The following PCDHA2 variants were observed in gnomAD, a reference collection of about 807,000 sequenced individuals.
The protein encoded by PCDHA2 is protocadherin alpha 2.
In PCDHA2, 58 loss-of-function variants were observed where a neutral mutation model predicts 66.0. That is an observed-to-expected ratio of 0.88 (90% confidence interval 0.71 to 1.09). PCDHA2 has a LOEUF of 1.09. Ranked by LOEUF, PCDHA2 falls within the 50% of genes least tolerant of loss-of-function variation. The pLI is 0.00. For synonymous variants in PCDHA2, 634 were observed against 554.0 expected, an observed-to-expected ratio of 1.14 and a Z score of -2.03; for missense variants, 1,267 against 1,242.3, an observed-to-expected ratio of 1.02 and a Z score of -0.30.
In PCDHA2 at chr5:140,820,150, A is replaced by T. The variant is rs2150105989; in HGVS notation, c.2388+22798A>T. Among the ~76,000 whole-genome samples the T allele has an allele frequency of 5.3e-5, 8 of 152,088 alleles. No individual in the cohort carries two copies. In the South Asian group the frequency reaches 8.3e-4, roughly 16 times the overall value. On this transcript the variant is annotated intron_variant, in intron 1 of 3. Coordinates refer to ENST00000526136, the MANE Select transcript of PCDHA2 (RefSeq NM_018905.3). ...TGTATTAAAATATTTCAAAATTATC[A>T]GTATGAAAACTATTAGGCAAATAGT...
At chr5:140,989,851 G>C (rs1247481417) in intron 3 of PCDHA2, among the ~76,000 whole-genome samples, 1 of 152,106 alleles carries the variant, frequency 6.6e-6, no homozygotes, top group Non-Finnish European at 1.5e-5. Context: ...TGTGTGGACT[G>C]GAGAGGAATC....
In PCDHA2 at chr5:140,828,733, C is replaced by T. The variant is rs2150158342; in HGVS notation, c.2388+31381C>T. The T allele has an allele frequency of 1.4e-5, 23 of 1,614,096 alleles. No individual in the cohort carries two copies. In the Middle Eastern group the frequency reaches 8.2e-4, roughly 58 times the overall value. On this transcript the variant is annotated intron_variant, in intron 1 of 3. Transcript: ENST00000526136. ...CTGCACACAACTTATTCCTGACAGC[C>T]ACAGATGGGGGCAAACCTGAGCTCA...
At chr5:140,962,126 C>A (rs1429316991) in intron 1 of PCDHA2, among the ~76,000 whole-genome samples, 1 of 152,094 alleles carries the variant, frequency 6.6e-6, no homozygotes. Flanking sequence ...ACCTTGGCCT[C>A]GGCCTCCCAA....
At chr5:140,994,809 C>G (rs1366407347) in intron 3 of PCDHA2, among the ~76,000 whole-genome samples, 1 of 152,016 alleles carries the variant, frequency 6.6e-6, no homozygotes, top group Non-Finnish European at 1.5e-5. Flanking sequence ...AAACAAAATA[C>G]AAAAAACTGA....
intron 1 of PCDHA2, chr5:140,875,905 T>C (rs1554168057): frequency 2.0e-5 from 32 of 1,614,104 alleles, no homozygotes; most frequent in Non-Finnish European, 1.6e-5. Flanking sequence ...TGTTTCTGAA[T>C]CTGCGCCTCT....
rs150637034 is a variant in PCDHA2 at position 140,828,096 on chromosome 5, T to C, written c.2388+30744T>C. On this transcript the variant is annotated intron_variant, in intron 1 of 3. Coordinates refer to ENST00000526136, the MANE Select transcript of PCDHA2 (RefSeq NM_018905.3). ...ATAAAACCAGAGGTATTTGACATGGTGTTTACCCCGGAGGATAGATTGGGA... is the reference window on the plus strand; with the variant it reads ...ATAAAACCAGAGGTATTTGACATGGCGTTTACCCCGGAGGATAGATTGGGA... 3.2e-4 allele frequency: 509 copies of C among 1,604,738 alleles called. 4 individuals carry two copies. In the African/African-American group the frequency reaches 5.9e-3, roughly 19 times the overall value.
intron 1 of PCDHA2, among the ~76,000 whole-genome samples, chr5:140,911,947 G>C (rs559007219): frequency 6.6e-6 from 1 of 152,144 alleles, no homozygotes; most frequent in African/African-American, 2.4e-5. Context: ...TATATATAAA[G>C]GGGAGGTTAC....
At chr5:140,900,206 C>A (rs1286660558) in intron 1 of PCDHA2, among the ~76,000 whole-genome samples, 1 of 152,172 alleles carries the variant, frequency 6.6e-6, no homozygotes, top group Non-Finnish European at 1.5e-5. Flanking sequence ...CCAGTTTCAT[C>A]CAGGTTGTTG....
rs149656802 is a variant in PCDHA2, at chr5:141,008,452, C to T, written c.2537-1175C>T. ...TTTGCCCAGACAGACCATTACCCTTCCTCTCCAGCTCTGACTTCTACTCTT... is the reference window on the plus strand; with the variant it reads ...TTTGCCCAGACAGACCATTACCCTTTCTCTCCAGCTCTGACTTCTACTCTT... On this transcript the variant is annotated intron_variant, in intron 3 of 3. Coordinates refer to ENST00000526136, the MANE Select transcript of PCDHA2 (RefSeq NM_018905.3). Among the ~76,000 whole-genome samples, 286 of 152,284 alleles carry T rather than the reference C, an allele frequency of 1.9e-3. 2 individuals carry two copies. Among genetic ancestry groups the T allele is most frequent in the African/African-American group, 6.5e-3 (272 of 41,548 alleles).
chr5:140,990,518 T>G (rs2097397992), intron 3 of PCDHA2, among the ~76,000 whole-genome samples: 1 of 152,314 alleles, frequency 6.6e-6, no homozygotes, highest in South Asian at 2.1e-4. Context: ...CTCTCTTGTC[T>G]TTTTTGACTG....
At chr5:140,883,774 T>C (rs782252577) in intron 1 of PCDHA2, 10 of 1,612,152 alleles carry the variant, frequency 6.2e-6, no homozygotes, top group South Asian at 5.5e-5. Flanking sequence ...TGGGCGAGCG[T>C]GCGCTGTCGA....
At chr5:140,915,732 G>A (rs1454734995) in intron 1 of PCDHA2, among the ~76,000 whole-genome samples, 2 of 151,870 alleles carry the variant, frequency 1.3e-5, no homozygotes, top group East Asian at 3.9e-4. Flanking sequence ...ATTGTGCTGG[G>A]TCAGACCTAT....
At chr5:140,996,302 CAA>C (rs2097720989) in intron 3 of PCDHA2, among the ~76,000 whole-genome samples, 1 of 152,274 alleles carries the variant, frequency 6.6e-6, no homozygotes, top group Non-Finnish European at 1.5e-5. Flanking sequence ...CAGATTGTAA[CAA>C]AGTAAGGGGG....
intron 1 of PCDHA2, among the ~76,000 whole-genome samples, chr5:140,915,719 T>C (rs545655335): frequency 6.6e-6 from 1 of 152,074 alleles, no homozygotes; most frequent in African/African-American, 2.4e-5. Context: ...GCCCCCACTT[T>C]GGATTGTGCT....
chr5:140,949,050 T>C lies in PCDHA2; in HGVS notation c.2389-29899T>C, dbSNP rs561017467. 5.3e-5 allele frequency among the ~76,000 whole-genome samples: 8 copies of C among 151,896 alleles called. No homozygotes were observed. The East Asian group carries it at 1.5e-3, about 29-fold the overall frequency. On this transcript the variant is annotated intron_variant, in intron 1 of 3. Coordinates refer to ENST00000526136, the MANE Select transcript of PCDHA2 (RefSeq NM_018905.3). ...TATTCATTTAAAAGTATGTTCTAAT[T>C]TCCATTATGATTTAACTCTTTCACC...
intron 1 of PCDHA2, chr5:140,868,630 T>G (rs1440809892): frequency 6.5e-6 from 1 of 154,578 alleles, no homozygotes; most frequent in Non-Finnish European, 1.4e-5. Context: ...CTGAATTCTC[T>G]TTCTCTCTCA....
At chr5:140,802,350 G>T (rs1175732642) in intron 1 of PCDHA2, 2 of 1,614,250 alleles carry the variant, frequency 1.2e-6, no homozygotes, top group East Asian at 2.2e-5. Context: ...CAATGGACAG[G>T]TCACCTGCTC....
chr5:140,883,075 T>A (rs969917261), intron 1 of PCDHA2: 8 of 1,614,134 alleles, frequency 5.0e-6, no homozygotes, highest in Non-Finnish European at 6.8e-6. Flanking sequence ...CCACAGATCC[T>A]GATGATGGTA....
Position 141,009,995 on chromosome 5 carries a change from C to T in PCDHA2, c.*58C>T, listed in dbSNP as rs1178395504. 6.3e-7 allele frequency: 1 copy of T among 1,576,476 alleles called. No individual in the cohort carries two copies. The highest frequency in any genetic ancestry group is 8.6e-7 in the Non-Finnish European group (1 of 1,165,244). ...TTTTTGTAATAATGGCAAATCTCTC[C>T]CATGTAGCAATTCCCTGCTCCTTTT... On this transcript the variant is annotated 3_prime_UTR_variant, in exon 4 of 4. Coordinates refer to ENST00000526136, the MANE Select transcript of PCDHA2 (RefSeq NM_018905.3).
Sources: allele counts gnomAD v4.1 joint callset (sites outside exome capture counted in the v4.1 genomes callset), GRCh38; gene constraint gnomAD v4.1.1; transcripts MANE v1.5; gene names NCBI Gene and HGNC (gene_info 2026-07-23, HGNC 2026-07-21).